ERBB4: variants seen among roughly 807,000 people sequenced by gnomAD.
The protein encoded by ERBB4 is receptor tyrosine-protein kinase erbB-4.
Under a neutral mutation model 158.0 loss-of-function variants are expected in ERBB4, and 42 were observed. That is an observed-to-expected ratio of 0.27 (90% CI 0.21 to 0.34). ERBB4 has a LOEUF of 0.34. Among genes scored for constraint, ERBB4 ranks in the 10% least tolerant of loss-of-function variants. The probability of loss-of-function intolerance (pLI) is 1.00; values close to 1 mark genes in which losing one functional copy is unlikely to be tolerated. For synonymous variants in ERBB4, 583 were observed against 558.7 expected, an observed-to-expected ratio of 1.04 and a Z score of -0.61; for missense variants, 1,333 against 1,624.1, an observed-to-expected ratio of 0.82 and a Z score of 3.08.
At chr2:212,332,802 T>C (rs2088242361) in intron 1 of ERBB4, among the ~76,000 whole-genome samples, 1 of 152,194 alleles carries the variant, frequency 6.6e-6, no homozygotes, top group Admixed American at 6.5e-5. Flanking sequence ...AGAATGGCTA[T>C]TTGGATTTCT....
intron 20 of ERBB4, among the ~76,000 whole-genome samples, chr2:211,456,677 A>G (rs999730698): frequency 4.6e-5 from 7 of 152,240 alleles, no homozygotes; most frequent in African/African-American, 1.2e-4. Flanking sequence ...CAATTTTTCC[A>G]TGGATGTGGG....
At chr2:211,656,461 A>G (rs1030222316) in intron 16 of ERBB4, among the ~76,000 whole-genome samples, 8 of 152,246 alleles carry the variant, frequency 5.3e-5, no homozygotes, top group African/African-American at 1.9e-4. Flanking sequence ...TATATAGGAA[A>G]TATTTTATGA....
At chr2:212,414,021 C>A (rs2091579426) in intron 1 of ERBB4, among the ~76,000 whole-genome samples, 1 of 152,144 alleles carries the variant, frequency 6.6e-6, no homozygotes, top group African/African-American at 2.4e-5. Flanking sequence ...ATTGGGATCT[C>A]ATGAGTTGAC....
chr2:211,750,935 G>A (rs548287296), intron 4 of ERBB4, among the ~76,000 whole-genome samples: 1 of 152,126 alleles, frequency 6.6e-6, no homozygotes, highest in South Asian at 2.1e-4. Flanking sequence ...TCATTTTTTA[G>A]GAAAATAAAA....
chr2:211,779,294 A>G (rs1268075650), intron 4 of ERBB4: 1 of 152,212 alleles, frequency 6.6e-6, no homozygotes, highest in Non-Finnish European at 1.5e-5. Flanking sequence ...TTTAACCGGC[A>G]TCTTATTAGC....
intron 16 of ERBB4, among the ~76,000 whole-genome samples, chr2:211,655,370 T>C (rs1439073091): frequency 6.6e-6 from 1 of 152,170 alleles, no homozygotes; most frequent in Non-Finnish European, 1.5e-5. Flanking sequence ...ATAACACTTA[T>C]TGAGTGATTT....
chr2:212,487,344 A>C (rs1453187681), intron 1 of ERBB4, among the ~76,000 whole-genome samples: 1 of 152,160 alleles, frequency 6.6e-6, no homozygotes, highest in Admixed American at 6.6e-5. Flanking sequence ...ATAAAAAATA[A>C]CTTTTATGTC....
At chr2:211,515,097 A>G (rs2065988651) in intron 20 of ERBB4, among the ~76,000 whole-genome samples, 1 of 152,174 alleles carries the variant, frequency 6.6e-6, no homozygotes, top group Non-Finnish European at 1.5e-5. Context: ...GAAAGCTGCA[A>G]AAGTATGGAG....
chr2:211,445,736 C>T (rs2064095524), intron 20 of ERBB4, among the ~76,000 whole-genome samples: 1 of 152,054 alleles, frequency 6.6e-6, no homozygotes, highest in South Asian at 2.1e-4. Context: ...CGCAAAACAA[C>T]ACAAAATTAG....
chr2:212,417,640 G>C (rs10194540), intron 1 of ERBB4, among the ~76,000 whole-genome samples: 17,393 of 151,938 alleles, frequency 0.11, 1,066 homozygotes, highest in African/African-American at 0.15. Context: ...ATTAGCTTAT[G>C]CAGCCAAGGC....
chr2:211,762,133 T>A (rs2075431514), intron 4 of ERBB4, among the ~76,000 whole-genome samples: 1 of 152,182 alleles, frequency 6.6e-6, no homozygotes, highest in Admixed American at 6.5e-5. Context: ...ACAATTTTAC[T>A]GAACAGCAAA....
chr2:211,662,098 G>T (rs2071450477), intron 15 of ERBB4, among the ~76,000 whole-genome samples: 1 of 113,056 alleles, frequency 8.8e-6, no homozygotes, highest in Admixed American at 1.0e-4. Context: ...AGGTACATGT[G>T]ACATTTAATA....
intron 2 of ERBB4, among the ~76,000 whole-genome samples, chr2:212,040,331 C>G (rs913410165): frequency 6.6e-6 from 1 of 151,056 alleles, no homozygotes; most frequent in African/African-American, 2.4e-5. Flanking sequence ...TTTTTCTTCT[C>G]TAATGATTTT....
chr2:212,447,319 G>T (rs2092376509), intron 1 of ERBB4, among the ~76,000 whole-genome samples: 2 of 151,852 alleles, frequency 1.3e-5, no homozygotes, highest in Admixed American at 1.3e-4. Flanking sequence ...TTCAAAAGGT[G>T]AAAAAATACA....
At chr2:212,196,973 C>T (rs924988950) in intron 1 of ERBB4, among the ~76,000 whole-genome samples, 1 of 152,064 alleles carries the variant, frequency 6.6e-6, no homozygotes, top group African/African-American at 2.4e-5. Flanking sequence ...TGAAACCAGC[C>T]TAATTCTCCC....
chr2:211,810,791 G>T (rs1409800765), intron 3 of ERBB4, among the ~76,000 whole-genome samples: 1 of 150,772 alleles, frequency 6.6e-6, no homozygotes, highest in Non-Finnish European at 1.5e-5. Context: ...TCCTGCCTCA[G>T]TCTCCCGAGT....
chr2:211,551,461 T>C (rs537570150), intron 20 of ERBB4, among the ~76,000 whole-genome samples: 137 of 152,294 alleles, frequency 9.0e-4, no homozygotes, highest in African/African-American at 3.1e-3. Flanking sequence ...TATTTATCTT[T>C]TATCGTGCCT....
intron 3 of ERBB4, among the ~76,000 whole-genome samples, chr2:211,925,669 C>A (rs539829560): frequency 6.6e-6 from 1 of 152,210 alleles, no homozygotes; most frequent in African/African-American, 2.4e-5. Flanking sequence ...CATGAGCCAC[C>A]ACGCCCAGCT....
chr2:212,412,600 T>A (rs2091530026), intron 1 of ERBB4, among the ~76,000 whole-genome samples: 2 of 152,158 alleles, frequency 1.3e-5, no homozygotes, highest in African/African-American at 4.8e-5. Flanking sequence ...CTTTATAAAT[T>A]TCCCAGTCTC....
Sources: allele counts gnomAD v4.1 joint callset (sites outside exome capture counted in the v4.1 genomes callset), GRCh38; gene constraint gnomAD v4.1.1; transcripts MANE v1.5; gene names NCBI Gene and HGNC (gene_info 2026-07-23, HGNC 2026-07-21).